The following GBP7 variants were observed in gnomAD, a reference collection of about 807,000 sequenced individuals.
GBP7 encodes the protein guanylate-binding protein 7.
GBP7 carries 43 observed loss-of-function variants against 61.3 expected under a neutral mutation model. The observed-to-expected ratio is 0.70, with a 90% CI of 0.55 to 0.91. The LOEUF (loss-of-function observed/expected upper bound fraction) is 0.91. Ranked by LOEUF, GBP7 falls within the 40% of genes least tolerant of loss-of-function variation. The pLI is 0.00. For missense variants in GBP7, 717 were observed against 740.5 expected (o/e 0.97, Z 0.37); for synonymous variants, 267 against 271.0 (o/e 0.99, Z 0.14).
intron 3 of GBP7, among the ~76,000 whole-genome samples, chr1:89,154,020 A>G (rs538094937): frequency 6.6e-6 from 1 of 152,340 alleles, no homozygotes; most frequent in African/African-American, 2.4e-5. Context: ...GTATGTGGAG[A>G]AGACAAGGCT....
chr1:89,140,757 A>G (rs1348972424), intron 9 of GBP7, among the ~76,000 whole-genome samples: 2 of 152,232 alleles, frequency 1.3e-5, no homozygotes, highest in Admixed American at 6.5e-5. Flanking sequence ...GTGCATGTTC[A>G]TCGGTGCACT....
At chr1:89,158,535 C>G (rs2100653457) in intron 3 of GBP7, among the ~76,000 whole-genome samples, 1 of 152,216 alleles carries the variant, frequency 6.6e-6, no homozygotes, top group Middle Eastern at 3.4e-3. Context: ...AATCAATGTA[C>G]AAAAATCACA....
rs1681689001 is a variant in GBP7 at position 89,132,059 on chromosome 1, T to G, written c.*90A>C. On this transcript the variant is annotated 3_prime_UTR_variant, in exon 11 of 11. Transcript: ENST00000294671. Reference sequence around the variant, plus strand: ...CATAATATTCTTTGAAATTTGCTTTTTAATTTTAAACTTTTCTTAAATGAA... The same window carrying G: ...CATAATATTCTTTGAAATTTGCTTTGTAATTTTAAACTTTTCTTAAATGAA... The G allele has an allele frequency of 1.7e-6, 2 of 1,160,812 alleles. No individual in the cohort carries two copies. 71.9% of individuals were successfully genotyped at this position (1,160,812 alleles called of 1,614,324 possible).
chr1:89,165,504 A>AG (rs1455121322), intron 2 of GBP7, among the ~76,000 whole-genome samples: 2 of 81,594 alleles, frequency 2.5e-5, no homozygotes, highest in Non-Finnish European at 2.6e-5. Context: ...CCGTCTCAAA[A>AG]AAAAAGAAAA....
intron 3 of GBP7, among the ~76,000 whole-genome samples, chr1:89,160,633 C>T (rs954787708): frequency 6.6e-6 from 1 of 152,006 alleles, no homozygotes; most frequent in Non-Finnish European, 1.5e-5. Context: ...TAGTTCCTGG[C>T]ACATAGTTAG....
Position 89,149,508 on chromosome 1 carries a change from C to T in GBP7, c.936G>A (p.Glu312=), listed in dbSNP as rs1682143525. Residue 312 remains glutamate, a synonymous_variant, in exon 7 of 11, where the codon GAG becomes GAA. Transcript: ENST00000294671. Reference sequence around the variant, plus strand: ...ACTGGGCCAGAACTGCCATTGCATTCTCCAGACAAGGAGTCGCTCCACTGT... The same window carrying T: ...ACTGGGCCAGAACTGCCATTGCATTTTCCAGACAAGGAGTCGCTCCACTGT... ...AINSGATPCL[E]NAMAVLAQCE... 2 of 1,614,060 alleles carry T rather than the reference C, an allele frequency of 1.2e-6. No homozygotes were observed. Among genetic ancestry groups the T allele is most frequent in the African/African-American group, 2.7e-5 (2 of 74,934 alleles).
chr1:89,143,963 C>G (rs1002001769), intron 8 of GBP7, among the ~76,000 whole-genome samples: 4 of 152,136 alleles, frequency 2.6e-5, no homozygotes, highest in African/African-American at 9.7e-5. Context: ...GGGCTTCAGT[C>G]AAAACAGTCA....
In GBP7 at chr1:89,147,638, GC is replaced by G; in HGVS notation, c.1293del (p.His432ThrfsTer5). ...ISRGTFFVPG[G>X]HNIYLEAKKK... is the part of the protein sequence containing the mutation. ...TTTTTTGCTTCTAAGTAGATATTGT[GC>G]CCCCCCGGAACAAAGAAAGTTCCTC... On this transcript the variant is annotated frameshift_variant, in exon 8 of 11. Transcript: ENST00000294671. LOFTEE classifies it high-confidence loss of function. The G allele has an allele frequency of 2.5e-6, 4 of 1,613,774 alleles. No homozygotes were observed. The highest frequency in any genetic ancestry group is 1.7e-6 in the Non-Finnish European group (2 of 1,179,894).
At position 89,132,418 on chromosome 1, in the gene GBP7, G is replaced by T; in HGVS notation, c.1663-15C>A. ...TCTTCTAGGACCTATAAAAGTAAAAGAGCCTACTTTTGAAAATCCCCAATT... is the reference window on the plus strand; with the variant it reads ...TCTTCTAGGACCTATAAAAGTAAAATAGCCTACTTTTGAAAATCCCCAATT... On this transcript the variant is annotated splice_polypyrimidine_tract_variant and intron_variant, in intron 10 of 10. Transcript: ENST00000294671. 6.4e-7 allele frequency: 1 copy of T among 1,557,446 alleles called. No individual in the cohort carries two copies. The highest frequency in any genetic ancestry group is 1.2e-5 in the South Asian group (1 of 83,290).
At chr1:89,140,091 A>G (rs140967869) in intron 9 of GBP7, among the ~76,000 whole-genome samples, 3,151 of 152,182 alleles carry the variant, frequency 0.021, 38 homozygotes, top group Middle Eastern at 0.048. Context: ...GCACATATAC[A>G]CCATGGAATA....
intron 8 of GBP7, among the ~76,000 whole-genome samples, chr1:89,144,573 C>T (rs987012373): frequency 6.6e-6 from 1 of 152,026 alleles, no homozygotes; most frequent in African/African-American, 2.4e-5. Flanking sequence ...ATAATATAGG[C>T]TAATTTCTAA....
intron 3 of GBP7, among the ~76,000 whole-genome samples, chr1:89,153,537 G>A (rs887009810): frequency 2.0e-5 from 3 of 152,166 alleles, no homozygotes; most frequent in Non-Finnish European, 4.4e-5. Flanking sequence ...GAATGCCAAT[G>A]TTAATCAATT....
At chr1:89,136,131 C>T (rs182736351) in intron 9 of GBP7, among the ~76,000 whole-genome samples, 2 of 152,234 alleles carry the variant, frequency 1.3e-5, no homozygotes, top group Admixed American at 1.3e-4. Flanking sequence ...AATATGTATG[C>T]ACCCAATACT....
intron 9 of GBP7, among the ~76,000 whole-genome samples, chr1:89,140,765 A>T (rs1031491182): frequency 1.2e-4 from 19 of 152,266 alleles, no homozygotes; most frequent in Admixed American, 9.2e-4. Context: ...TCATCGGTGC[A>T]CTATTTCCAA....
chr1:89,147,008 C>A (rs638375), intron 8 of GBP7, among the ~76,000 whole-genome samples: 112,174 of 152,158 alleles, frequency 0.74, 41,651 homozygotes, highest in African/African-American at 0.81. Context: ...TCCATGCATT[C>A]ACATTTCTCA....
chr1:89,138,378 A>G (rs1681857078), intron 9 of GBP7, among the ~76,000 whole-genome samples: 1 of 152,178 alleles, frequency 6.6e-6, no homozygotes, highest in Non-Finnish European at 1.5e-5. Flanking sequence ...AGCAAAAAGA[A>G]CAAAGCCAGA....
chr1:89,143,364 ATCATAC>A (rs1681995695), intron 8 of GBP7, among the ~76,000 whole-genome samples: 1 of 152,206 alleles, frequency 6.6e-6, no homozygotes, highest in South Asian at 2.1e-4. Context: ...GAAGTAAAAA[ATCATAC>A]TCAGATTTGA....
chr1:89,140,113 TA>T, intron 9 of GBP7, among the ~76,000 whole-genome samples: 1 of 151,812 alleles, frequency 6.6e-6, no homozygotes, highest in East Asian at 1.9e-4. Context: ...TATGCAGCCA[TA>T]AAAAATGAAG....
At chr1:89,132,948 A>T in intron 10 of GBP7, among the ~76,000 whole-genome samples, 1 of 152,194 alleles carries the variant, frequency 6.6e-6, no homozygotes, top group East Asian at 1.9e-4. Context: ...TTGTGCCAAG[A>T]ATCCTAAGGG....
Sources: allele counts gnomAD v4.1 joint callset (sites outside exome capture counted in the v4.1 genomes callset), GRCh38; gene constraint gnomAD v4.1.1; transcripts MANE v1.5; gene names NCBI Gene and HGNC (gene_info 2026-07-23, HGNC 2026-07-21).